Variants in GALNT13 observed in about 807,000 individuals in gnomAD.
GALNT13 encodes UDP-GalNAc:polypeptide N-acetylgalactosaminyltransferase 13.
In GALNT13, 28 loss-of-function variants were observed where a neutral mutation model predicts 64.2. The ratio of observed to expected loss-of-function variants is 0.44; its 90% confidence interval spans 0.32 to 0.60. The LOEUF is 0.60. Among genes scored for constraint, GALNT13 ranks in the 20% least tolerant of loss-of-function variants. GALNT13 has a pLI of 0.05. For synonymous variants in GALNT13, 214 were observed against 224.6 expected (o/e 0.95, Z 0.42); for missense variants, 577 against 669.8 (o/e 0.86, Z 1.53).
chr2:153,613,238 A>G, the GALNT13 span, among the ~76,000 whole-genome samples: 8 of 152,204 alleles, frequency 5.3e-5, no homozygotes, highest in East Asian at 1.9e-4. Context: ...AGATTTTTCT[A>G]AAGCATTTTG....
At chr2:153,850,002 A>T in the GALNT13 span, among the ~76,000 whole-genome samples, 4 of 77,810 alleles carry the variant, frequency 5.1e-5, no homozygotes, top group African/African-American at 1.8e-4. Flanking sequence ...TCTACTAAAA[A>T]TACAAAAAAA....
chr2:153,691,716 A>G, the GALNT13 span, among the ~76,000 whole-genome samples: 2 of 152,146 alleles, frequency 1.3e-5, no homozygotes, highest in African/African-American at 4.8e-5. Context: ...CAGAAGGTCT[A>G]TAAGTGAAAA....
the GALNT13 span, among the ~76,000 whole-genome samples, chr2:153,195,798 T>C: frequency 1.1e-3 from 171 of 152,246 alleles, no homozygotes; most frequent in African/African-American, 3.9e-3. Flanking sequence ...GCTATGCAGA[T>C]ATGTGAAGGG....
At chr2:154,383,291 A>G (rs1263851837) in intron 9 of GALNT13, among the ~76,000 whole-genome samples, 3 of 151,948 alleles carry the variant, frequency 2.0e-5, no homozygotes, top group Non-Finnish European at 2.9e-5. Flanking sequence ...TGAGTGTTTT[A>G]TATGTTAACT....
the GALNT13 span, among the ~76,000 whole-genome samples, chr2:153,758,093 C>G: frequency 1.3e-5 from 2 of 152,086 alleles, no homozygotes; most frequent in African/African-American, 2.4e-5. Flanking sequence ...TTCTTTTTCT[C>G]TTTTAGTAGT....
At chr2:154,089,074 C>T (rs1398364765) in intron 3 of GALNT13, among the ~76,000 whole-genome samples, 1 of 152,084 alleles carries the variant, frequency 6.6e-6, no homozygotes, top group Admixed American at 6.6e-5. Context: ...CTACTATCCT[C>T]TCTTAATCTC....
the GALNT13 span, among the ~76,000 whole-genome samples, chr2:153,681,339 A>G: frequency 6.6e-6 from 1 of 151,886 alleles, no homozygotes; most frequent in East Asian, 1.9e-4. Context: ...TCTCAAAGAT[A>G]TCTGGGAAAC....
At chr2:154,344,239 A>G (rs2105233416) in intron 9 of GALNT13, among the ~76,000 whole-genome samples, 1 of 152,174 alleles carries the variant, frequency 6.6e-6, no homozygotes, top group South Asian at 2.1e-4. Context: ...AAGAAAATTA[A>G]TGCTACATAG....
the GALNT13 span, among the ~76,000 whole-genome samples, chr2:153,702,015 A>G: frequency 1.3e-5 from 2 of 152,212 alleles, no homozygotes; most frequent in Admixed American, 1.3e-4. Flanking sequence ...ATTCTACTCT[A>G]AAGACACATG....
At chr2:154,143,449 C>T (rs944256727) in intron 4 of GALNT13, among the ~76,000 whole-genome samples, 2 of 151,690 alleles carry the variant, frequency 1.3e-5, no homozygotes, top group East Asian at 3.9e-4. Flanking sequence ...TTTAAAAAAT[C>T]TCGACTTTCA....
chr2:153,689,081 TGTG>T, the GALNT13 span, among the ~76,000 whole-genome samples: 1 of 148,974 alleles, frequency 6.7e-6, no homozygotes, highest in East Asian at 2.0e-4. Flanking sequence ...TGTGTGTGTG[TGTG>T]TGTGTGTGTG....
chr2:153,989,912 A>G (rs17619186), intron 3 of GALNT13, among the ~76,000 whole-genome samples: 10,709 of 152,118 alleles, frequency 0.07, 449 homozygotes, highest in Middle Eastern at 0.13. Context: ...TAACTCCAGT[A>G]TGAAATGGAT....
intron 4 of GALNT13, among the ~76,000 whole-genome samples, chr2:154,180,770 A>C (rs928154865): frequency 1.3e-5 from 2 of 152,056 alleles, no homozygotes; most frequent in Non-Finnish European, 2.9e-5. Flanking sequence ...TTTTTTCCTA[A>C]TATGGTCTAT....
intron 3 of GALNT13, among the ~76,000 whole-genome samples, chr2:154,123,977 G>A (rs1487434930): frequency 6.6e-6 from 1 of 151,934 alleles, no homozygotes; most frequent in Non-Finnish European, 1.5e-5. Context: ...TAAACTCATT[G>A]AACTGCAAAC....
Position 154,339,356 on chromosome 2 carries a change from G to A in GALNT13, c.1156+37767G>A, listed in dbSNP as rs1366749996. 2.6e-5 allele frequency among the ~76,000 whole-genome samples: 4 copies of A among 151,960 alleles called. No homozygotes were observed. In the East Asian group the frequency reaches 7.7e-4, roughly 29 times the overall value. On this transcript the variant is annotated intron_variant, in intron 9 of 12. Coordinates refer to ENST00000392825, the MANE Select transcript of GALNT13 (RefSeq NM_052917.4). ...TATCATTGGTTGTTTCTAATTTGGA[G>A]GAACTTTGGATAAGTAACAAATTTT...
the GALNT13 span, among the ~76,000 whole-genome samples, chr2:153,299,677 CA>C: frequency 3.3e-5 from 5 of 152,294 alleles, no homozygotes; most frequent in African/African-American, 1.2e-4. Flanking sequence ...CTTGTGGACA[CA>C]ATCAATACAG....
At chr2:154,157,992 G>A (rs1684521263) in intron 4 of GALNT13, among the ~76,000 whole-genome samples, 1 of 152,062 alleles carries the variant, frequency 6.6e-6, no homozygotes, top group Non-Finnish European at 1.5e-5. Flanking sequence ...GCGTAGATAT[G>A]TCCTAAGGGT....
chr2:153,722,505 C>T, the GALNT13 span, among the ~76,000 whole-genome samples: 62 of 148,782 alleles, frequency 4.2e-4, no homozygotes, highest in African/African-American at 1.4e-3. Flanking sequence ...TTCAAAAAAT[C>T]AATGAATCCA....
At chr2:154,303,586 A>T (rs973721319) in intron 9 of GALNT13, among the ~76,000 whole-genome samples, 1 of 151,910 alleles carries the variant, frequency 6.6e-6, no homozygotes, top group African/African-American at 2.4e-5. Context: ...CTTACTGAGG[A>T]CTCCTGTACC....
Sources: gnomAD v4.1 joint callset for allele counts (sites outside exome capture counted in the v4.1 genomes callset) on GRCh38, gnomAD v4.1.1 for gene constraint, MANE v1.5 for transcripts, NCBI Gene and HGNC (gene_info 2026-07-23, HGNC 2026-07-21) for gene names.